Variants in ADGRB2 observed in about 807,000 individuals in gnomAD.
ADGRB2 encodes brain-specific angiogenesis inhibitor 2.
ADGRB2 carries 47 observed loss-of-function variants against 178.7 expected under a neutral mutation model. The observed-to-expected ratio is 0.26, with a 90% CI of 0.21 to 0.34. The LOEUF is 0.34. ADGRB2 is among the 10% of genes least tolerant of loss of function. The probability of loss-of-function intolerance (pLI) is 1.00; values close to 1 mark genes in which losing one functional copy is unlikely to be tolerated. For missense variants in ADGRB2, 1,584 were observed against 2,180.8 expected, an observed-to-expected ratio of 0.73 and a Z score of 5.45; for synonymous variants, 870 against 912.4, an observed-to-expected ratio of 0.95 and a Z score of 0.84.
At position 31,733,212 on chromosome 1, in the gene ADGRB2, C is replaced by T. The variant is rs1645387885; in HGVS notation, c.3453-69G>A. 8.7e-6 allele frequency: 13 copies of T among 1,501,004 alleles called. No individual in the cohort carries two copies. The South Asian group carries it at 1.6e-4, about 19-fold the overall frequency. The allele number at this position is 1,501,004 out of a possible 1,614,324, so 93.0% of individuals were successfully genotyped here. A position where few individuals can be genotyped will look rare whatever the true frequency, so the allele number is the denominator to read the frequency against. ...GACAGGATGGCTTGAGCCTAGGCCT[C>T]CACTCAGCTGGAGCTCTTCAGCTGC... On this transcript the variant is annotated intron_variant, in intron 25 of 32. Coordinates refer to ENST00000373658, the MANE Select transcript of ADGRB2 (RefSeq NM_001364857.2). The surrounding 1 kb of genome is among the most constrained non-coding windows in gnomAD (Gnocchi z 4.3).
rs775107731 is a variant in ADGRB2, at chr1:31,735,691, G to A, written c.3268-26C>T. On this transcript the variant is annotated intron_variant, in intron 23 of 32. Coordinates refer to ENST00000373658, the MANE Select transcript of ADGRB2 (RefSeq NM_001364857.2). This position sits in a 1 kb window ranked among gnomAD's most constrained non-coding sequence, Gnocchi z 6.0. Reference sequence around the variant, plus strand: ...CTGGGGGCCCAGTAGAGTGGAGTGGGGGAGACAGGATCACCAGGTGCCCTC... The same window carrying A: ...CTGGGGGCCCAGTAGAGTGGAGTGGAGGAGACAGGATCACCAGGTGCCCTC... The A allele has an allele frequency of 1.2e-5, 19 of 1,579,918 alleles. No homozygotes were observed. The highest frequency in any genetic ancestry group is 1.6e-5 in the Non-Finnish European group (19 of 1,158,092).
rs1646655842 is a variant in ADGRB2, at chr1:31,753,013, C to A, written c.838+2986G>T. On this transcript the variant is annotated intron_variant, in intron 4 of 32. Transcript: ENST00000373658. This position sits in a 1 kb window ranked among gnomAD's most constrained non-coding sequence, Gnocchi z 4.1. Reference sequence around the variant, plus strand: ...TAGGGATTGTGGCCAAGGAGAGAGGCGTGCATGAGGCGGGGTTCTTTCTCC... The same window carrying A: ...TAGGGATTGTGGCCAAGGAGAGAGGAGTGCATGAGGCGGGGTTCTTTCTCC... Among the ~76,000 whole-genome samples the A allele has an allele frequency of 6.6e-6, 1 of 152,132 alleles. No individual in the cohort carries two copies. The highest frequency in any genetic ancestry group is 1.5e-5 in the Non-Finnish European group (1 of 68,002).
At chr1:31,742,340 C>A in intron 7 of ADGRB2, 123 bp from the exon 8 acceptor site, 1 of 1,346,976 alleles carries the variant, frequency 7.4e-7, no homozygotes, top group Non-Finnish European at 1.0e-6. Context: ...GCCAGACCCA[C>A]TGGAGTGGGG....
chr1:31,727,889 C>A lies in ADGRB2; in HGVS notation c.4572+136G>T. 16 of 1,198,482 alleles carry A rather than the reference C, an allele frequency of 1.3e-5. No homozygotes were observed. The highest frequency in any genetic ancestry group is 1.6e-5 in the South Asian group (1 of 63,742). The allele number at this position is 1,198,482 out of a possible 1,614,324, so 74.2% of individuals were successfully genotyped here. A position where few individuals can be genotyped will look rare whatever the true frequency, so the allele number is the denominator to read the frequency against. ...CTGCAGCACCTTCCCCACCCCCAGG[C>A]GGCCCCAGACTGTTGCCCATGCCGT... On this transcript the variant is annotated intron_variant, in intron 32 of 32. Transcript: ENST00000373658. This position sits in a 1 kb window ranked among gnomAD's most constrained non-coding sequence, Gnocchi z 4.4.
intron 18 of ADGRB2, 50 bp from the exon 19 acceptor site, chr1:31,737,805 G>T: frequency 3.9e-6 from 6 of 1,531,910 alleles, no homozygotes; most frequent in Non-Finnish European, 4.5e-6. Context: ...GGGGGGAGCT[G>T]CAGGGGTGCC....
intron 29 of ADGRB2, among the ~76,000 whole-genome samples, chr1:31,729,321 G>A (rs1178479472): frequency 2.6e-5 from 4 of 152,234 alleles, no homozygotes; most frequent in East Asian, 1.9e-4. Flanking sequence ...CCAGGCCTTC[G>A]AAGGTGATAC....
intron 18 of ADGRB2, among the ~76,000 whole-genome samples, 192 bp from the exon 19 acceptor site, chr1:31,737,947 A>G (rs559579093): frequency 6.6e-6 from 1 of 152,130 alleles, no homozygotes; most frequent in Admixed American, 6.5e-5. Flanking sequence ...AGTCACCTGC[A>G]CTCTTCTACA....
rs184593960 is a variant in ADGRB2 at position 31,755,706 on chromosome 1, A to G, written c.838+293T>C. 8.5e-4 allele frequency among the ~76,000 whole-genome samples: 129 copies of G among 151,474 alleles called. No individual in the cohort carries two copies. The highest frequency in any genetic ancestry group is 3.1e-3 in the African/African-American group (127 of 41,224). On this transcript the variant is annotated intron_variant, in intron 4 of 32. Coordinates refer to ENST00000373658, the MANE Select transcript of ADGRB2 (RefSeq NM_001364857.2). The surrounding 1 kb of genome is among the most constrained non-coding windows in gnomAD (Gnocchi z 5.1). ...TCCTTCAGGTCTCTGTTCCTGTATT[A>G]CTTCCTTCAGGGAGCCTCCCCTGGC...
In ADGRB2 at chr1:31,728,474, C is replaced by G. The variant is rs914211174; in HGVS notation, c.4416+124G>C. 6.7e-7 allele frequency: 1 copy of G among 1,483,678 alleles called. No homozygotes were observed. Among genetic ancestry groups the G allele is most frequent in the African/African-American group, 1.4e-5 (1 of 71,892 alleles). 91.9% of individuals were successfully genotyped at this position (1,483,678 alleles called of 1,614,324 possible). A position where few individuals can be genotyped will look rare whatever the true frequency, so the allele number is the denominator to read the frequency against. ...GAATCATGGGAAGATCCCACGGAAC[C>G]CCCGGGCTTGGGCTCCTGGGGTCAG... On this transcript the variant is annotated intron_variant, in intron 30 of 32. Transcript: ENST00000373658. This position sits in a 1 kb window ranked among gnomAD's most constrained non-coding sequence, Gnocchi z 6.7.
chr1:31,736,033 GGCTCCT>G, intron 22 of ADGRB2, 140 bp from the exon 23 acceptor site: 2 of 966,942 alleles, frequency 2.1e-6, no homozygotes, highest in Non-Finnish European at 1.5e-6. Context: ...GTGAGCCACT[GGCTCCT>G]GCTGAGCCTC....
rs1235586843 is a variant in ADGRB2, at chr1:31,736,329, T to G, written c.3192A>C (p.Thr1064=). 1 of 1,614,006 alleles carries G rather than the reference T, an allele frequency of 6.2e-7. No individual in the cohort carries two copies. Among genetic ancestry groups the G allele is most frequent in the East Asian group, 2.2e-5 (1 of 44,866 alleles). The change falls in exon 22 of 33, where the codon ACA becomes ACC. Residue 1064 remains threonine (T), a synonymous_variant. Coordinates refer to ENST00000373658, the MANE Select transcript of ADGRB2 (RefSeq NM_001364857.2). Reference sequence around the variant, plus strand: ...ACGGGAGGCCCACGTACTAGCTGGATGTACCGTATCCTTTCGTTCGGGTAA... The same window carrying G: ...ACGGGAGGCCCACGTACTAGCTGGAGGTACCGTATCCTTTCGTTCGGGTAA... ...VGFTRTKGYG[T]SSYCWLSLEG...
Position 31,738,613 on chromosome 1 carries a change from A to G in ADGRB2, c.2619T>C (p.His873=), listed in dbSNP as rs61741785. The stretch of plus-strand genomic sequence containing the variant: ...CTCTGGAGTAGTCCCAGCTGGCGCA[A>G]TGGGGATCCGTGGTCCCCTGGGGAG... The part of the protein sequence containing the change: ...SYIINGTTDP[H]CASWDYSRAD... Residue 873 remains histidine, a synonymous_variant, in exon 17 of 33, where the codon CAT becomes CAC. Coordinates refer to ENST00000373658, the MANE Select transcript of ADGRB2 (RefSeq NM_001364857.2). 4.7e-3 allele frequency: 7,499 copies of G among 1,611,836 alleles called. 325 individuals are homozygous for G. In the African/African-American group the frequency reaches 0.089, roughly 19 times the overall value.
At position 31,727,158 on chromosome 1, in the gene ADGRB2, C is replaced by G. The variant is rs533055014; in HGVS notation, c.*262G>C. 9.6e-5 allele frequency: 42 copies of G among 436,314 alleles called. No individual in the cohort carries two copies. The highest frequency in any genetic ancestry group is 1.4e-4 in the Admixed American group (3 of 21,254). 27.0% of individuals were successfully genotyped at this position (436,314 alleles called of 1,614,324 possible). On this transcript the variant is annotated 3_prime_UTR_variant, in exon 33 of 33. Transcript: ENST00000373658. The surrounding 1 kb of genome is among the most constrained non-coding windows in gnomAD (Gnocchi z 4.4). ...TATTCCCAACAAAGTTCCCCTCCCC[C>G]CTCCCCAGCCCGGGACAGGGACGGA...
At position 31,736,400 on chromosome 1, in the gene ADGRB2, C is replaced by T. The variant is rs747550420; in HGVS notation, c.3131-10G>A. On this transcript the variant is annotated splice_polypyrimidine_tract_variant and intron_variant, in intron 21 of 32. Transcript: ENST00000373658. ...ACCAGGGCAGGCAGACCTGGGGGAGCAGGGGTGCCAGAGTGAGATGGTTGC... is the reference window on the plus strand; with the variant it reads ...ACCAGGGCAGGCAGACCTGGGGGAGTAGGGGTGCCAGAGTGAGATGGTTGC... 6.2e-7 allele frequency: 1 copy of T among 1,613,770 alleles called. No individual in the cohort carries two copies.
chr1:31,756,732 G>A lies in ADGRB2; in HGVS notation c.105C>T (p.Pro35=), dbSNP rs766041630. The change falls in exon 4 of 33, where the codon CCC becomes CCT. Residue 35 remains proline, a synonymous_variant. Transcript: ENST00000373658. This position sits in a 1 kb window ranked among gnomAD's most constrained non-coding sequence, Gnocchi z 8.5. ...CCAGGGCAGAGCAGGCACTGGGGGC[G>A]GGGTCGAAGGCGGTGGCCAGGCGCA... ...LSLRLATAFD[P]APSACSALAS... The A allele has an allele frequency of 2.7e-5, 42 of 1,581,604 alleles. No individual in the cohort carries two copies. The highest frequency in any genetic ancestry group is 6.7e-5 in the African/African-American group (5 of 74,384).
Position 31,735,775 on chromosome 1 carries a change from A to G in ADGRB2, c.3267+52T>C, listed in dbSNP as rs1645572269. Reference sequence around the variant, plus strand: ...GCAGGGAGGAGGTAGAGGGAGAAACAGGATGACCCTCTGGGGCCATGCCCC... The same window carrying G: ...GCAGGGAGGAGGTAGAGGGAGAAACGGGATGACCCTCTGGGGCCATGCCCC... On this transcript the variant is annotated intron_variant, in intron 23 of 32. Coordinates refer to ENST00000373658, the MANE Select transcript of ADGRB2 (RefSeq NM_001364857.2). The surrounding 1 kb of genome is among the most constrained non-coding windows in gnomAD (Gnocchi z 6.0). 6.3e-7 allele frequency: 1 copy of G among 1,592,082 alleles called. No homozygotes were observed. Among genetic ancestry groups the G allele is most frequent in the Admixed American group, 1.7e-5 (1 of 57,684 alleles).
At chr1:31,737,342 C>T (rs766471746) in intron 20 of ADGRB2, 87 bp downstream of exon 20, 98 of 1,259,694 alleles carry the variant, frequency 7.8e-5, no homozygotes, top group Middle Eastern at 2.1e-4. Flanking sequence ...CACTAATGGA[C>T]GTACAAGCAA....
At position 31,755,262 on chromosome 1, in the gene ADGRB2, C is replaced by T. The variant is rs1019655730; in HGVS notation, c.838+737G>A. On this transcript the variant is annotated intron_variant, in intron 4 of 32. Coordinates refer to ENST00000373658, the MANE Select transcript of ADGRB2 (RefSeq NM_001364857.2). This position sits in a 1 kb window ranked among gnomAD's most constrained non-coding sequence, Gnocchi z 5.1. ...GGAAGCAGGGTCTGTAGAAGGCAGC[C>T]GTGGCTGAGGGAGCTGGGGTGGGAG... Among the ~76,000 whole-genome samples the T allele has an allele frequency of 1.3e-5, 2 of 152,216 alleles. No homozygotes were observed. Among genetic ancestry groups the T allele is most frequent in the African/African-American group, 4.8e-5 (2 of 41,460 alleles).
intron 28 of ADGRB2, among the ~76,000 whole-genome samples, chr1:31,731,659 T>C (rs1210464610): frequency 1.3e-5 from 2 of 152,112 alleles, no homozygotes; most frequent in Non-Finnish European, 2.9e-5. Flanking sequence ...GCTCCCAGTG[T>C]CCTGGTGCAG....
Sources: allele counts gnomAD v4.1 joint callset (sites outside exome capture counted in the v4.1 genomes callset), GRCh38; gene constraint gnomAD v4.1.1; non-coding constraint Gnocchi (gnomAD v3.1); transcripts MANE v1.5; gene names NCBI Gene and HGNC (gene_info 2026-07-23, HGNC 2026-07-21).